TSHZ3: variants seen among roughly 807,000 people sequenced by gnomAD.
TSHZ3 encodes the protein teashirt zinc finger homeobox 3, also known as teashirt homolog 3.
A neutral mutation model predicts 64.5 loss-of-function variants in TSHZ3; 10 were observed. That is an observed-to-expected ratio of 0.16 (90% CI 0.10 to 0.26). The LOEUF (loss-of-function observed/expected upper bound fraction) is 0.26, where lower values mean the gene tolerates loss of function less well. Ranked by LOEUF, TSHZ3 falls within the 10% of genes least tolerant of loss-of-function variation. The pLI is 1.00. For synonymous variants in TSHZ3, 608 were observed against 593.1 expected, an observed-to-expected ratio of 1.03 and a Z score of -0.36; for missense variants, 1,242 against 1,421.7, an observed-to-expected ratio of 0.87 and a Z score of 2.03.
At chr19:31,348,818 GA>G (rs2021601319) in intron 1 of TSHZ3, 1 of 240,002 alleles carries the variant, frequency 4.2e-6, no homozygotes, top group Admixed American at 5.7e-5. Context: ...GGAGGACGCG[GA>G]AGATGTCCCG....
chr19:31,349,299 C>G lies in TSHZ3; in HGVS notation c.-80G>C. The stretch of plus-strand genomic sequence containing the variant: ...ACAGGGAGGGAGGGGGCGGCGGGCC[C>G]GCGGGGGGGCGAGGCGGGCCTGCTC... On this transcript the variant is annotated 5_prime_UTR_variant, in exon 1 of 2. Coordinates refer to ENST00000240587, the MANE Select transcript of TSHZ3 (RefSeq NM_020856.4). 7.2e-7 allele frequency: 1 copy of G among 1,393,428 alleles called. No individual in the cohort carries two copies. The highest frequency in any genetic ancestry group is 1.4e-5 in the South Asian group (1 of 69,764). The allele number at this position is 1,393,428 out of a possible 1,614,324, so 86.3% of individuals were successfully genotyped here.
intron 6 of TSHZ3, among the ~76,000 whole-genome samples, chr19:31,155,726 T>C (rs16965093): frequency 0.3 from 45,397 of 152,078 alleles, 6,907 homozygotes; most frequent in East Asian, 0.44. Context: ...CCCCTGATAA[T>C]TTGACTTCTA....
intron 5 of TSHZ3, among the ~76,000 whole-genome samples, chr19:31,160,602 G>T (rs967235455): frequency 6.6e-6 from 1 of 152,000 alleles, no homozygotes; most frequent in Non-Finnish European, 1.5e-5. Flanking sequence ...CAGCTTCTAA[G>T]GTCTTGAAGG....
intron 5 of TSHZ3, among the ~76,000 whole-genome samples, chr19:31,156,731 A>G (rs1325799682): frequency 6.6e-6 from 1 of 152,238 alleles, no homozygotes; most frequent in African/African-American, 2.4e-5. Flanking sequence ...GATAAAGTGC[A>G]ATATGCTTTG....
upstream of TSHZ3, among the ~76,000 whole-genome samples, chr19:31,350,526 G>A (rs2021688277): frequency 6.9e-6 from 1 of 144,918 alleles, no homozygotes; most frequent in Non-Finnish European, 1.5e-5. Context: ...CCCCCGCCAG[G>A]GGCTCCCCCC....
chr19:31,288,515 T>C (rs900013864), intron 1 of TSHZ3, among the ~76,000 whole-genome samples: 1 of 151,962 alleles, frequency 6.6e-6, no homozygotes, highest in African/African-American at 2.4e-5. Flanking sequence ...AGCAACCCAA[T>C]GTGGAGAGCC....
At chr19:31,192,718 C>T (rs1013807232) in intron 5 of TSHZ3, among the ~76,000 whole-genome samples, 1 of 152,118 alleles carries the variant, frequency 6.6e-6, no homozygotes, top group Non-Finnish European at 1.5e-5. Flanking sequence ...TCCACTTATC[C>T]TTTTTACTTG....
chr19:31,193,885 A>G (rs1157270620), intron 5 of TSHZ3, among the ~76,000 whole-genome samples: 2 of 152,210 alleles, frequency 1.3e-5, no homozygotes, highest in South Asian at 2.1e-4. Flanking sequence ...GAAATTTTTT[A>G]GAAAAATAGT....
chr19:31,317,878 A>G (rs1599644984), intron 1 of TSHZ3, among the ~76,000 whole-genome samples: 1 of 151,990 alleles, frequency 6.6e-6, no homozygotes, highest in Non-Finnish European at 1.5e-5. Flanking sequence ...TCCTCCAGGC[A>G]CCTCCCACCC....
chr19:31,268,348 C>T (rs1212776593), intron 1 of TSHZ3, among the ~76,000 whole-genome samples: 1 of 152,158 alleles, frequency 6.6e-6, no homozygotes, highest in African/African-American at 2.4e-5. Context: ...CAGGGTGCCT[C>T]TCATGAAACC....
intron 1 of TSHZ3, among the ~76,000 whole-genome samples, chr19:31,291,045 T>C (rs547958026): frequency 1.1e-4 from 16 of 152,342 alleles, no homozygotes; most frequent in African/African-American, 3.8e-4. Context: ...GTGAATAAAG[T>C]CAGTGTGAAT....
chr19:31,205,098 G>T (rs949480719), intron 4 of TSHZ3, among the ~76,000 whole-genome samples: 2 of 152,148 alleles, frequency 1.3e-5, no homozygotes, highest in Admixed American at 1.3e-4. Context: ...TGTAGGAGAT[G>T]AGCCAGTGAG....
chr19:31,166,318 A>G (rs1974451466), intron 5 of TSHZ3, among the ~76,000 whole-genome samples: 1 of 152,236 alleles, frequency 6.6e-6, no homozygotes, highest in Non-Finnish European at 1.5e-5. Context: ...TAAGTTCTTA[A>G]AGAGGCAGTT....
chr19:31,222,695 G>A (rs1415095137), intron 4 of TSHZ3, among the ~76,000 whole-genome samples: 1 of 152,196 alleles, frequency 6.6e-6, no homozygotes, highest in African/African-American at 2.4e-5. Context: ...GAGGTACTCG[G>A]AAAATATTTG....
chr19:31,293,221 A>C (rs1976605880), intron 1 of TSHZ3, among the ~76,000 whole-genome samples: 2 of 152,206 alleles, frequency 1.3e-5, no homozygotes, highest in Admixed American at 6.5e-5. Context: ...CAGATGCTTT[A>C]GGGTTAGGAA....
chr19:31,247,235 C>G (rs1599603370), intron 1 of TSHZ3, among the ~76,000 whole-genome samples: 1 of 152,196 alleles, frequency 6.6e-6, no homozygotes, highest in East Asian at 1.9e-4. Context: ...TGAAATATCT[C>G]CCATAAGACG....
rs202054941 is a variant in TSHZ3, at chr19:31,278,137, G to A, written c.1656C>T (p.Ala552=). The A allele has an allele frequency of 1.4e-5, 22 of 1,614,138 alleles. No homozygotes were observed. The highest frequency in any genetic ancestry group is 1.1e-4 in the East Asian group (5 of 44,872). Residue 552 remains alanine (A), a synonymous_variant, in exon 2 of 2, where the codon GCC becomes GCT. Transcript: ENST00000240587. The surrounding 1 kb of genome is among the most constrained non-coding windows in gnomAD (Gnocchi z 4.7). ...TCATCATGTTGGGAAGTTGGTAGGCGGCATGGATGCTGGGATAGCCCCCCC... is the reference window on the plus strand; with the variant it reads ...TCATCATGTTGGGAAGTTGGTAGGCAGCATGGATGCTGGGATAGCCCCCCC... ...PSWGGYPSIH[A]AYQLPNMMKL...
intron 1 of TSHZ3, among the ~76,000 whole-genome samples, chr19:31,310,706 C>G (rs577183434): frequency 6.6e-6 from 1 of 152,324 alleles, no homozygotes; most frequent in South Asian, 2.1e-4. Flanking sequence ...TGAGCCACAG[C>G]AGGACTTGAG....
At chr19:31,271,743 G>C (rs73927331), downstream of TSHZ3, among the ~76,000 whole-genome samples, 2,207 of 152,278 alleles carry the variant, frequency 0.014, 58 homozygotes, top group African/African-American at 0.05. Context: ...GGCTGCCTTT[G>C]CCAAAGATTA....
Sources: gnomAD v4.1 joint callset for allele counts (sites outside exome capture counted in the v4.1 genomes callset) on GRCh38, gnomAD v4.1.1 for gene constraint, Gnocchi (gnomAD v3.1) non-coding constraint, MANE v1.5 for transcripts, NCBI Gene and HGNC (gene_info 2026-07-23, HGNC 2026-07-21) for gene names.